Variants in TNIK observed in about 807,000 individuals in gnomAD.
TNIK encodes TRAF2 and NCK-interacting protein kinase.
A neutral mutation model predicts 191.3 loss-of-function variants in TNIK; 49 were observed. The observed-to-expected ratio is 0.26, with a 90% CI of 0.20 to 0.32. The LOEUF is 0.32. TNIK is among the 10% of genes least tolerant of loss of function. TNIK has a pLI of 1.00. For synonymous variants in TNIK, 594 were observed against 600.9 expected, an observed-to-expected ratio of 0.99 and a Z score of 0.17; for missense variants, 1,155 against 1,702.3, an observed-to-expected ratio of 0.68 and a Z score of 5.66.
chr3:171,320,801 T>C (rs191416786), intron 2 of TNIK, among the ~76,000 whole-genome samples: 3 of 152,300 alleles, frequency 2.0e-5, no homozygotes, highest in African/African-American at 7.2e-5. Context: ...TTCCAAAAGA[T>C]AGGCAAGCAA....
intron 2 of TNIK, among the ~76,000 whole-genome samples, chr3:171,326,321 T>C (rs1293696889): frequency 2.0e-5 from 3 of 152,206 alleles, no homozygotes; most frequent in Non-Finnish European, 4.4e-5. Context: ...GCCTTTATCT[T>C]TCAAGATACT....
At chr3:171,210,792 C>T (rs1740708211) in intron 4 of TNIK, among the ~76,000 whole-genome samples, 2 of 142,080 alleles carry the variant, frequency 1.4e-5, no homozygotes, top group Non-Finnish European at 3.1e-5. Flanking sequence ...TGATACAATT[C>T]ATAAAATGTA....
At chr3:171,256,714 G>A (rs1746924118) in intron 2 of TNIK, among the ~76,000 whole-genome samples, 1 of 152,160 alleles carries the variant, frequency 6.6e-6, no homozygotes, top group African/African-American at 2.4e-5. Context: ...CCACTGGCAG[G>A]AATGGATGAA....
At chr3:171,381,210 C>G (rs1465980972) in intron 1 of TNIK, among the ~76,000 whole-genome samples, 1 of 152,156 alleles carries the variant, frequency 6.6e-6, no homozygotes, top group East Asian at 1.9e-4. Context: ...TTTTGGCAGA[C>G]TCAAGAAGCT....
intron 1 of TNIK, among the ~76,000 whole-genome samples, chr3:171,445,642 T>C (rs1482649111): frequency 1.3e-5 from 2 of 152,058 alleles, no homozygotes; most frequent in Non-Finnish European, 2.9e-5. Context: ...CCAAACACCA[T>C]CTAAATTGGC....
At chr3:171,432,498 T>C (rs1318499675) in intron 1 of TNIK, among the ~76,000 whole-genome samples, 1 of 152,204 alleles carries the variant, frequency 6.6e-6, no homozygotes, top group East Asian at 1.9e-4. Flanking sequence ...CCTAAAAAAG[T>C]AATTTCCATT....
At position 171,445,246 on chromosome 3, in the gene TNIK, C is replaced by T. The variant is rs140245258; in HGVS notation, c.57+14761G>A. Among the ~76,000 whole-genome samples, 761 of 151,892 alleles carry T rather than the reference C, an allele frequency of 5.0e-3. 7 individuals are homozygous for T. Among genetic ancestry groups the T allele is most frequent in the Admixed American group, 0.025 (378 of 15,230 alleles). On this transcript the variant is annotated intron_variant, in intron 1 of 32. Coordinates refer to ENST00000436636, the MANE Select transcript of TNIK (RefSeq NM_015028.4). Reference sequence around the variant, plus strand: ...GGAATCCGAGATCACGTAGGAAAGCCCTTCTCTATAAAAAATACAAAAATC... The same window carrying T: ...GGAATCCGAGATCACGTAGGAAAGCTCTTCTCTATAAAAAATACAAAAATC...
At chr3:171,156,943 C>T (rs1382447700) in intron 12 of TNIK, among the ~76,000 whole-genome samples, 1 of 152,198 alleles carries the variant, frequency 6.6e-6, no homozygotes, top group Non-Finnish European at 1.5e-5. Context: ...CAACTACTGA[C>T]CCATTCATTC....
chr3:171,439,318 T>C (rs934134089), intron 1 of TNIK, among the ~76,000 whole-genome samples: 2 of 148,578 alleles, frequency 1.3e-5, no homozygotes, highest in African/African-American at 5.0e-5. Context: ...CACTCCAGCC[T>C]GGGTGACAGA....
chr3:171,136,293 A>G (rs984373640), intron 15 of TNIK, among the ~76,000 whole-genome samples: 3 of 152,192 alleles, frequency 2.0e-5, no homozygotes, highest in Non-Finnish European at 4.4e-5. Context: ...AAGCACTTGT[A>G]AAGATGCATG....
At chr3:171,287,088 C>T (rs1180708286) in intron 2 of TNIK, among the ~76,000 whole-genome samples, 1 of 152,076 alleles carries the variant, frequency 6.6e-6, no homozygotes, top group African/African-American at 2.4e-5. Context: ...CATGCTAAGG[C>T]AAGTAGGGGT....
At position 171,319,249 on chromosome 3, in the gene TNIK, C is replaced by T. The variant is rs549798924; in HGVS notation, c.123+50371G>A. Among the ~76,000 whole-genome samples the T allele has an allele frequency of 2.0e-3, 308 of 152,092 alleles. 1 individual carries two copies. Among genetic ancestry groups the T allele is most frequent in the African/African-American group, 6.7e-3 (278 of 41,494 alleles). On this transcript the variant is annotated intron_variant, in intron 2 of 32. Coordinates refer to ENST00000436636, the MANE Select transcript of TNIK (RefSeq NM_015028.4). ...AGAAATGAAATTCTATCTTGAGAAACGCTTTATCCTTTGTACTTTAGATTT... is the reference window on the plus strand; with the variant it reads ...AGAAATGAAATTCTATCTTGAGAAATGCTTTATCCTTTGTACTTTAGATTT...
At position 171,188,725 on chromosome 3, in the gene TNIK, G is replaced by A. The variant is rs923807664; in HGVS notation, c.616C>T (p.Pro206Ser). The part of the protein sequence containing the change: ...APEVIACDEN[P>S]DATYDFKSDL... Reference sequence around the variant, plus strand: ...ACCTTGAAATCATATGTGGCATCTGGGTTTTCATCACAGGCAATAACTTCT... The same window carrying A: ...ACCTTGAAATCATATGTGGCATCTGAGTTTTCATCACAGGCAATAACTTCT... Residue 206 changes from proline (P) to serine (S), a missense_variant, in exon 7 of 33, where the codon CCA (proline) becomes TCA (serine). Physicochemically the swap from Pro to Ser is moderately conservative, Grantham distance 74. Around this residue, in one of 3 missense-constraint regions of TNIK, gnomAD observed 225 missense variants for 438.9 expected, o/e 0.51. Coordinates refer to ENST00000436636, the MANE Select transcript of TNIK (RefSeq NM_015028.4). 58 of 1,613,358 alleles carry A rather than the reference G, an allele frequency of 3.6e-5. No individual in the cohort carries two copies. Among genetic ancestry groups the A allele is most frequent in the Non-Finnish European group, 4.2e-5 (50 of 1,179,510 alleles).
At chr3:171,207,887 T>G (rs1740297220) in intron 4 of TNIK, among the ~76,000 whole-genome samples, 1 of 152,208 alleles carries the variant, frequency 6.6e-6, no homozygotes, top group Admixed American at 6.5e-5. Context: ...TTTGTCAGCA[T>G]ATTACCCAGT....
At chr3:171,242,115 G>A (rs1745064874) in intron 2 of TNIK, among the ~76,000 whole-genome samples, 1 of 149,096 alleles carries the variant, frequency 6.7e-6, no homozygotes, top group African/African-American at 2.5e-5. Flanking sequence ...GTATATATAT[G>A]TAACAAACCT....
At chr3:171,162,265 CA>C (rs1252126004) in intron 10 of TNIK, among the ~76,000 whole-genome samples, 7 of 149,944 alleles carry the variant, frequency 4.7e-5, no homozygotes, top group African/African-American at 9.8e-5. Flanking sequence ...ACTAAAAATA[CA>C]AAAAAAAATT....
chr3:171,172,967 C>T (rs1374327240), intron 9 of TNIK, among the ~76,000 whole-genome samples: 3 of 152,128 alleles, frequency 2.0e-5, no homozygotes, highest in South Asian at 2.1e-4. Flanking sequence ...GTCAGCACAC[C>T]GTTGATCTTT....
At chr3:171,361,552 C>T (rs1337405844) in intron 2 of TNIK, among the ~76,000 whole-genome samples, 1 of 152,136 alleles carries the variant, frequency 6.6e-6, no homozygotes. Context: ...ATGAAAAATT[C>T]ATCAAGCCAA....
intron 4 of TNIK, among the ~76,000 whole-genome samples, chr3:171,203,615 A>T (rs145525087): frequency 2.0e-5 from 3 of 152,294 alleles, no homozygotes; most frequent in African/African-American, 4.8e-5. Context: ...AACCACCACC[A>T]CCTTATGTGA....
Sources: gnomAD v4.1 joint callset for allele counts (sites outside exome capture counted in the v4.1 genomes callset) on GRCh38, gnomAD v4.1.1 for gene constraint, gnomAD v4.1.1 regional missense constraint, MANE v1.5 for transcripts, NCBI Gene and HGNC (gene_info 2026-07-23, HGNC 2026-07-21) for gene names.